The following KLKB1 variants were observed in gnomAD, a reference collection of about 807,000 sequenced individuals.
KLKB1 encodes plasma kallikrein.
A neutral mutation model predicts 73.6 loss-of-function variants in KLKB1; 58 were observed. That is an observed-to-expected ratio of 0.79 (90% CI 0.64 to 0.98). KLKB1 has a LOEUF of 0.98. Ranked by LOEUF, KLKB1 falls within the 50% of genes least tolerant of loss-of-function variation. The pLI is 0.00. For synonymous variants in KLKB1, 280 were observed against 258.1 expected, an observed-to-expected ratio of 1.08 and a Z score of -0.81; for missense variants, 737 against 763.8, an observed-to-expected ratio of 0.96 and a Z score of 0.41.
rs61748604 is a variant in KLKB1 at position 186,238,251 on chromosome 4, T to C, written c.489-5T>C. ...AGCAAAGTAACCTCTTTTCTTCCCATTCAGGAACAATTGCCTATTAAAGTA... is the reference window on the plus strand; with the variant it reads ...AGCAAAGTAACCTCTTTTCTTCCCACTCAGGAACAATTGCCTATTAAAGTA... On this transcript the variant is annotated splice_region_variant and splice_polypyrimidine_tract_variant and intron_variant, in intron 5 of 14. Coordinates refer to ENST00000264690, the MANE Select transcript of KLKB1 (RefSeq NM_000892.5). 0.011 allele frequency: 16,870 copies of C among 1,595,160 alleles called. 114 individuals are homozygous for C. Among genetic ancestry groups the C allele is most frequent in the Non-Finnish European group, 0.012 (14,058 of 1,162,764 alleles).
intron 6 of KLKB1, among the ~76,000 whole-genome samples, chr4:186,242,240 C>G: frequency 6.6e-6 from 1 of 152,116 alleles, no homozygotes; most frequent in East Asian, 1.9e-4. Context: ...CAGGAACCGG[C>G]CATTTTCACT....
chr4:186,236,007 G>A (rs1187190077), intron 4 of KLKB1, among the ~76,000 whole-genome samples: 2 of 151,364 alleles, frequency 1.3e-5, no homozygotes, highest in Admixed American at 6.6e-5. Context: ...CCAGCTACTC[G>A]GGAGGCTGAG....
chr4:186,250,126 A>ATGTT (rs1328024369), intron 6 of KLKB1, 117 bp from the exon 7 acceptor site: 59 of 1,046,444 alleles, frequency 5.6e-5, no homozygotes, highest in Non-Finnish European at 8.3e-5. Flanking sequence ...TTCACTTAGG[A>ATGTT]TGTTTAGTAC....
At chr4:186,249,873 A>C (rs566857738) in intron 6 of KLKB1, among the ~76,000 whole-genome samples, 4 of 151,880 alleles carry the variant, frequency 2.6e-5, no homozygotes, top group Non-Finnish European at 5.9e-5. Context: ...TTATTAAAGA[A>C]TTTTTTATAA....
intron 12 of KLKB1, among the ~76,000 whole-genome samples, chr4:186,255,452 A>C (rs1350650293): frequency 6.6e-6 from 1 of 152,194 alleles, no homozygotes; most frequent in Non-Finnish European, 1.5e-5. Context: ...CTGTAGTCCC[A>C]GCTAGTCAAG....
intron 6 of KLKB1, among the ~76,000 whole-genome samples, chr4:186,245,287 A>G (rs1738269411): frequency 6.6e-6 from 1 of 152,092 alleles, no homozygotes; most frequent in Non-Finnish European, 1.5e-5. Flanking sequence ...TAAGAAGGGG[A>G]TGGATTTACC....
rs143474742 is a variant in KLKB1, at chr4:186,214,436, A to G, written c.201+5164A>G. 3.9e-5 allele frequency among the ~76,000 whole-genome samples: 6 copies of G among 152,346 alleles called. No individual in the cohort carries two copies. The East Asian group carries it at 1.2e-3, about 29-fold the overall frequency. ...AAGGAAGGGCCCCCATTCTCTGGATATGATCTTAGGTCTTCACCCTATTTT... is the reference window on the plus strand; with the variant it reads ...AAGGAAGGGCCCCCATTCTCTGGATGTGATCTTAGGTCTTCACCCTATTTT... On this transcript the variant is annotated intron_variant, in intron 2 of 14. Transcript: ENST00000511608.
chr4:186,225,821 G>C (rs1350090833), upstream of KLKB1, among the ~76,000 whole-genome samples: 2 of 152,002 alleles, frequency 1.3e-5, no homozygotes, highest in African/African-American at 2.4e-5. Context: ...CAAATTTTGA[G>C]AGTTTTCTAT....
At chr4:186,213,854 A>G (rs1462718457) in intron 2 of KLKB1, among the ~76,000 whole-genome samples, 1 of 152,222 alleles carries the variant, frequency 6.6e-6, no homozygotes, top group East Asian at 1.9e-4. Flanking sequence ...TGAGTGATAC[A>G]TTTAAAAATT....
At chr4:186,234,677 T>C (rs1737564162) in intron 4 of KLKB1, among the ~76,000 whole-genome samples, 1 of 152,212 alleles carries the variant, frequency 6.6e-6, no homozygotes, top group Non-Finnish European at 1.5e-5. Flanking sequence ...GTTCTGCAAA[T>C]CTTGCTAAGA....
In KLKB1 at chr4:186,228,386, G is replaced by A. The variant is rs1912826; in HGVS notation, c.58+133G>A. On this transcript the variant is annotated intron_variant, in intron 2 of 14. Coordinates refer to ENST00000264690, the MANE Select transcript of KLKB1 (RefSeq NM_000892.5). ...GATTGTCCCTGATGATTCAGGACAC[G>A]TGTCTATTTAATGTTCCACAACAAG... The A allele has an allele frequency of 0.53, 356,847 of 679,390 alleles. 95,899 individuals are homozygous for A. Among genetic ancestry groups the A allele is most frequent in the African/African-American group, 0.65 (36,406 of 56,308 alleles). The allele number at this position is 679,390 out of a possible 1,614,324, so 42.1% of individuals were successfully genotyped here. A position where few individuals can be genotyped will look rare whatever the true frequency, so the allele number is the denominator to read the frequency against.
chr4:186,250,425 A>G (rs1429438496), intron 7 of KLKB1, 23 bp downstream of exon 7: 1 of 1,612,240 alleles, frequency 6.2e-7, no homozygotes, highest in Non-Finnish European at 8.5e-7. Flanking sequence ...GGAAAATCGC[A>G]TCACAAAGGC....
Position 186,258,155 on chromosome 4 carries a change from G to A in KLKB1, c.1860G>A (p.Trp620Ter), listed in dbSNP as rs777613991. Reference sequence around the variant, plus strand: ...CCAAAGTCGCTGAGTACATGGACTGGATTTTAGAGAAAACACAGAGCAGTG... The same window carrying A: ...CCAAAGTCGCTGAGTACATGGACTGAATTTTAGAGAAAACACAGAGCAGTG... ...VYTKVAEYMD[W>*]ILEKTQSSDG... The change falls in exon 15 of 15, where the codon TGG becomes TGA. Residue 620 changes from tryptophan to a stop codon, truncating the protein, a stop_gained. Coordinates refer to ENST00000264690, the MANE Select transcript of KLKB1 (RefSeq NM_000892.5). LOFTEE classifies it low-confidence loss of function (END_TRUNC). 6.2e-7 allele frequency: 1 copy of A among 1,614,178 alleles called. No individual in the cohort carries two copies. The highest frequency in any genetic ancestry group is 8.5e-7 in the Non-Finnish European group (1 of 1,180,034).
chr4:186,248,270 AT>A (rs1388794256), intron 6 of KLKB1, among the ~76,000 whole-genome samples: 1 of 146,330 alleles, frequency 6.8e-6, no homozygotes. Flanking sequence ...TAAAAATAAA[AT>A]AAAAAAAAAA....
intron 2 of KLKB1, among the ~76,000 whole-genome samples, chr4:186,217,980 T>A (rs1736944086): frequency 6.6e-6 from 1 of 152,232 alleles, no homozygotes; most frequent in South Asian, 2.1e-4. Flanking sequence ...ATAGTAAATC[T>A]TCTTGGCTTT....
chr4:186,229,515 C>T (rs1018449976), intron 2 of KLKB1, among the ~76,000 whole-genome samples: 2 of 151,920 alleles, frequency 1.3e-5, no homozygotes, highest in Non-Finnish European at 2.9e-5. Flanking sequence ...TTTTTGTGTG[C>T]ACATTCTTAT....
At chr4:186,252,359 AAC>A (rs1738728939) in intron 11 of KLKB1, among the ~76,000 whole-genome samples, 174 bp downstream of exon 11, 1 of 152,176 alleles carries the variant, frequency 6.6e-6, no homozygotes, top group Non-Finnish European at 1.5e-5. Context: ...TGACCATTAG[AAC>A]AGAGTGTGGT....
intron 7 of KLKB1, chr4:186,251,003 G>A (rs143612078): frequency 1.3e-5 from 7 of 547,900 alleles, no homozygotes; most frequent in East Asian, 1.2e-4. Context: ...CAGGTTGTCT[G>A]TGCCTATTAG....
rs745869297 is a variant in KLKB1, at chr4:186,257,169, ATTAT to A, written c.1586-53_1586-50del. 54 of 884,748 alleles carry A rather than the reference ATTAT, an allele frequency of 6.1e-5. No individual in the cohort carries two copies. The Admixed American group carries it at 7.1e-4, about 12-fold the overall frequency. 54.8% of individuals were successfully genotyped at this position (884,748 alleles called of 1,614,324 possible). A position where few individuals can be genotyped will look rare whatever the true frequency, so the allele number is the denominator to read the frequency against. On this transcript the variant is annotated intron_variant, in intron 13 of 14. Transcript: ENST00000264690. ...AATAATATTCCCAATATTATTATTT[ATTAT>A]TTAAGTTATTATTATTAACTTCCCT...
Sources: gnomAD v4.1 joint callset for allele counts (sites outside exome capture counted in the v4.1 genomes callset) on GRCh38, gnomAD v4.1.1 for gene constraint, MANE v1.5 for transcripts, NCBI Gene and HGNC (gene_info 2026-07-23, HGNC 2026-07-21) for gene names.